TENM2: variants seen among roughly 807,000 people sequenced by gnomAD.
TENM2 encodes teneurin-2.
In TENM2, 52 loss-of-function variants were observed where a neutral mutation model predicts 245.2. The observed-to-expected ratio is 0.21, with a 90% CI of 0.17 to 0.27. The LOEUF is 0.27. Ranked by LOEUF, TENM2 falls within the 10% of genes least tolerant of loss-of-function variation. The pLI, the probability that TENM2 is intolerant of heterozygous loss-of-function variation, is 1.00. For missense variants in TENM2, 3,046 were observed against 3,666.8 expected, an observed-to-expected ratio of 0.83 and a Z score of 4.37; for synonymous variants, 1,363 against 1,438.9, an observed-to-expected ratio of 0.95 and a Z score of 1.19.
intron 13 of TENM2, among the ~76,000 whole-genome samples, chr5:168,168,134 T>C (rs1200983376): frequency 7.2e-5 from 11 of 152,200 alleles, no homozygotes; most frequent in Admixed American, 4.6e-4. Context: ...TTTGAGGTTC[T>C]GATTTATTAG....
chr5:167,273,979 T>C, the TENM2 span, among the ~76,000 whole-genome samples: 2 of 152,126 alleles, frequency 1.3e-5, no homozygotes, highest in South Asian at 4.1e-4. Context: ...AGATATCCAA[T>C]GGGCAATGAC....
rs934232080 is a variant in TENM2 at position 167,555,610 on chromosome 5, C to T, written c.502+180137C>T. On this transcript the variant is annotated intron_variant, in intron 2 of 28. Transcript: ENST00000518659. Reference sequence around the variant, plus strand: ...TATGGAAGTCGCTAGCTTGTGTCACCTGTAGGAACGAGGGGAAAAGAATGT... The same window carrying T: ...TATGGAAGTCGCTAGCTTGTGTCACTTGTAGGAACGAGGGGAAAAGAATGT... Among the ~76,000 whole-genome samples, 4 of 152,098 alleles carry T rather than the reference C, an allele frequency of 2.6e-5. No individual in the cohort carries two copies. The East Asian group carries it at 7.8e-4, about 29-fold the overall frequency.
At chr5:167,975,142 T>C (rs1782340374) in intron 4 of TENM2, among the ~76,000 whole-genome samples, 1 of 152,240 alleles carries the variant, frequency 6.6e-6, no homozygotes, top group Non-Finnish European at 1.5e-5. Context: ...CAATTTACCA[T>C]GCCTCGGCTT....
At chr5:167,993,311 A>C in intron 5 of TENM2, 129 bp downstream of exon 7, 1 of 689,732 alleles carries the variant, frequency 1.4e-6, no homozygotes, top group South Asian at 1.9e-5. Context: ...AGATGTGATA[A>C]TGAGTGATGG....
At chr5:167,204,882 C>T in the TENM2 span, among the ~76,000 whole-genome samples, 2 of 152,164 alleles carry the variant, frequency 1.3e-5, no homozygotes, top group African/African-American at 4.8e-5. Flanking sequence ...CCGGAGATTG[C>T]CCATCAAAGA....
chr5:167,816,332 A>C (rs77557919), intron 2 of TENM2, among the ~76,000 whole-genome samples: 2,592 of 152,214 alleles, frequency 0.017, 69 homozygotes, highest in East Asian at 0.13. Flanking sequence ...GCTTGTATAG[A>C]CAAGAAACAT....
the TENM2 span, among the ~76,000 whole-genome samples, chr5:167,266,073 C>T: frequency 6.6e-6 from 1 of 152,138 alleles, no homozygotes; most frequent in African/African-American, 2.4e-5. Flanking sequence ...AAAGTCAAGT[C>T]CCAGTTGTGG....
At chr5:167,659,291 C>A (rs373092513) in intron 2 of TENM2, among the ~76,000 whole-genome samples, 8 of 152,274 alleles carry the variant, frequency 5.3e-5, no homozygotes, top group African/African-American at 1.7e-4. Context: ...GTATTGAACT[C>A]CTATTATAAG....
At chr5:167,923,988 G>A (rs921669576) in intron 3 of TENM2, among the ~76,000 whole-genome samples, 5 of 152,204 alleles carry the variant, frequency 3.3e-5, no homozygotes, top group African/African-American at 4.8e-5. Context: ...AATTGTGCCC[G>A]TGGTGTGAGC....
At chr5:167,634,798 A>G (rs1043367707) in intron 2 of TENM2, among the ~76,000 whole-genome samples, 3 of 152,158 alleles carry the variant, frequency 2.0e-5, no homozygotes, top group Admixed American at 6.5e-5. Context: ...GTCCTCAAAA[A>G]CCTTTTCTTT....
At chr5:167,291,380 C>CTAAGAA (rs1754626773) in intron 1 of TENM2, among the ~76,000 whole-genome samples, 1 of 152,210 alleles carries the variant, frequency 6.6e-6, no homozygotes, top group African/African-American at 2.4e-5. Flanking sequence ...TCTAAGAAAG[C>CTAAGAA]ATCTGCCCTC....
At chr5:168,213,936 A>G (rs147790650) in intron 20 of TENM2, among the ~76,000 whole-genome samples, 2 of 152,380 alleles carry the variant, frequency 1.3e-5, no homozygotes, top group East Asian at 3.9e-4. Context: ...AGAGGTGCTG[A>G]TTGTAATAAC....
intron 2 of TENM2, among the ~76,000 whole-genome samples, chr5:167,419,682 C>G (rs1763376100): frequency 1.3e-5 from 2 of 152,166 alleles, no homozygotes; most frequent in Admixed American, 1.3e-4. Flanking sequence ...TAGAGTCAGA[C>G]AGGCCTAAGT....
chr5:167,390,477 C>T (rs576674045), intron 2 of TENM2, among the ~76,000 whole-genome samples: 3 of 152,246 alleles, frequency 2.0e-5, no homozygotes, highest in Non-Finnish European at 2.9e-5. Context: ...CCTCCATCTG[C>T]GGTGCCTTTG....
At chr5:167,643,336 G>C (rs1779729940) in intron 2 of TENM2, among the ~76,000 whole-genome samples, 1 of 152,164 alleles carries the variant, frequency 6.6e-6, no homozygotes, top group Non-Finnish European at 1.5e-5. Context: ...TCTGGAATTT[G>C]CCGTTTCTGG....
intron 2 of TENM2, among the ~76,000 whole-genome samples, chr5:167,459,751 A>G (rs939483689): frequency 6.6e-6 from 1 of 152,172 alleles, no homozygotes; most frequent in African/African-American, 2.4e-5. Flanking sequence ...TTCTTTTGTA[A>G]TCAGCCATGT....
At chr5:168,146,769 T>C (rs571217406) in intron 12 of TENM2, among the ~76,000 whole-genome samples, 1 of 152,254 alleles carries the variant, frequency 6.6e-6, no homozygotes, top group South Asian at 2.1e-4. Context: ...GGTTAAGCAA[T>C]GTGTGAAAGG....
At position 168,042,201 on chromosome 5, in the gene TENM2, G is replaced by T. The variant is rs115087953; in HGVS notation, c.1187-5226G>T. On this transcript the variant is annotated intron_variant, in intron 5 of 28. Transcript: ENST00000518659. ...CTGAGCCCCAAGACCCAGCAGGCAT[G>T]GCTCTCTCCTCCTGCTCCCTGAGCT... Among the ~76,000 whole-genome samples the T allele has an allele frequency of 2.0e-3, 307 of 152,176 alleles. 4 individuals are homozygous for T. The highest frequency in any genetic ancestry group is 7.1e-3 in the African/African-American group (296 of 41,508).
intron 5 of TENM2, among the ~76,000 whole-genome samples, chr5:168,033,720 C>T (rs114153686): frequency 0.012 from 1,801 of 152,130 alleles, 12 homozygotes; most frequent in Non-Finnish European, 0.019. Context: ...TGTGTTCATG[C>T]CTCAAAATTT....
Sources: allele counts gnomAD v4.1 joint callset (sites outside exome capture counted in the v4.1 genomes callset), GRCh38; gene constraint gnomAD v4.1.1; transcripts MANE v1.5; gene names NCBI Gene and HGNC (gene_info 2026-07-23, HGNC 2026-07-21).